The following PLS3 variants were observed in gnomAD, a reference collection of about 807,000 sequenced individuals.
PLS3 encodes plastin 3.
In PLS3, 11 loss-of-function variants were observed where a neutral mutation model predicts 46.5. The ratio of observed to expected loss-of-function variants is 0.24; its 90% CI spans 0.15 to 0.39. The LOEUF (loss-of-function observed/expected upper bound fraction) is 0.39. Among genes scored for constraint, PLS3 ranks in the 10% least tolerant of loss-of-function variants. PLS3 has a pLI of 1.00. For synonymous variants in PLS3, 167 were observed against 162.2 expected, an observed-to-expected ratio of 1.03 and a Z score of -0.22; for missense variants, 308 against 461.8, an observed-to-expected ratio of 0.67 and a Z score of 3.05.
intron 7 of PLS3, 150 bp downstream of exon 7, chrX:115,635,196 C>A: frequency 2.2e-6 from 1 of 459,638 alleles, no homozygotes; most frequent in Admixed American, 3.9e-5. Context: ...GGAAAATAGC[C>A]TAATTACATG....
chrX:115,638,878 A>G (rs2074866080), intron 8 of PLS3, among the ~76,000 whole-genome samples: 1 of 108,767 alleles, frequency 9.2e-6, no homozygotes, highest in Non-Finnish European at 1.9e-5. Context: ...ATGCCTGGCT[A>G]ATTTTTTTTG....
chrX:115,635,183 T>G, intron 7 of PLS3, 137 bp downstream of exon 7: 1 of 492,930 alleles, frequency 2.0e-6, no homozygotes, highest in Non-Finnish European at 3.3e-6. Context: ...ATAGAGTTAT[T>G]CAGGAAAATA....
chrX:115,610,546 A>G (rs782320556), intron 2 of PLS3, among the ~76,000 whole-genome samples: 1 of 104,901 alleles, frequency 9.5e-6, no homozygotes, highest in South Asian at 4.2e-4. Flanking sequence ...TGTAGTATTT[A>G]ATATGGTCAA....
intron 1 of PLS3, among the ~76,000 whole-genome samples, chrX:115,600,507 C>A (rs1357238730): frequency 8.9e-6 from 1 of 111,824 alleles, no homozygotes; most frequent in African/African-American, 3.3e-5. Context: ...AGACTGTTCT[C>A]CAGAAACAAA....
In PLS3 at chrX:115,628,074, A is replaced by G. The variant is rs1307535398; in HGVS notation, c.238-1124A>G. ...TACCCTCCTGGAAAGACAAAATACA[A>G]CAAGGCACTCCTTTCGGTCTGACAC... On this transcript the variant is annotated intron_variant, in intron 3 of 15. Transcript: ENST00000355899. Among the ~76,000 whole-genome samples, 4 of 112,076 alleles carry G rather than the reference A, an allele frequency of 3.6e-5. No individual in the cohort carries two copies. In the East Asian group the frequency reaches 1.1e-3, roughly 32 times the overall value.
At chrX:115,649,404 C>T in intron 15 of PLS3, 25 bp from the exon 16 acceptor site, 1 of 1,173,551 alleles carries the variant, frequency 8.5e-7, no homozygotes, top group Non-Finnish European at 1.1e-6. Flanking sequence ...GAATTTCATC[C>T]TGATTTTGTT....
intron 1 of PLS3, among the ~76,000 whole-genome samples, chrX:115,583,114 A>C (rs781967070): frequency 8.9e-6 from 1 of 112,566 alleles, no homozygotes; most frequent in Non-Finnish European, 1.9e-5. Flanking sequence ...ATCAGAGAAG[A>C]GTGGTGATTA....
intron 13 of PLS3, 88 bp from the exon 14 acceptor site, chrX:115,647,462 T>C: frequency 2.2e-6 from 2 of 901,448 alleles, no homozygotes; most frequent in Non-Finnish European, 3.1e-6. Flanking sequence ...TTAAGAAATA[T>C]AAAAAGTGGA....
chrX:115,587,595 C>A (rs781804289), intron 1 of PLS3, among the ~76,000 whole-genome samples: 1 of 110,962 alleles, frequency 9.0e-6, no homozygotes, highest in Non-Finnish European at 1.9e-5. Context: ...ATTAGCTGGG[C>A]GTGGTGGCGG....
Position 115,561,927 on chromosome X carries a change from CT to C in PLS3, c.-9+674del, listed in dbSNP as rs1254101690. ...CACCTAGTCTCCCTATGAGTAAGCA[CT>C]TTTTTTCCTTTCAGTAGGAGAACAT... On this transcript the variant is annotated intron_variant, in intron 1 of 15. Transcript: ENST00000355899. Among the ~76,000 whole-genome samples, 4 of 111,237 alleles carry C rather than the reference CT, an allele frequency of 3.6e-5. No individual in the cohort carries two copies. In the East Asian group the frequency reaches 1.2e-3, roughly 32 times the overall value.
At chrX:115,640,151 A>G (rs1556640803) in intron 8 of PLS3, 4 of 1,057,394 alleles carry the variant, frequency 3.8e-6, no homozygotes, top group East Asian at 3.3e-5. Flanking sequence ...AGAACTGGTT[A>G]TATGTTTATT....
chrX:115,610,816 G>A, intron 2 of PLS3: 2 of 1,030,345 alleles, frequency 1.9e-6, no homozygotes, highest in Non-Finnish European at 2.5e-6. Flanking sequence ...GTTCTACCTC[G>A]CCACGTTAAA....
rs138150618 is a variant in PLS3 at position 115,577,143 on chromosome X, T to C, written c.-9+15883T>C. Reference sequence around the variant, plus strand: ...TGCCTCTTCCCTGAATCAGTTTGTATCTACACTTAATTTCTTTCAGAGATT... The same window carrying C: ...TGCCTCTTCCCTGAATCAGTTTGTACCTACACTTAATTTCTTTCAGAGATT... On this transcript the variant is annotated intron_variant, in intron 1 of 15. Coordinates refer to ENST00000355899, the MANE Select transcript of PLS3 (RefSeq NM_005032.7). Among the ~76,000 whole-genome samples, 240 of 112,193 alleles carry C rather than the reference T, an allele frequency of 2.1e-3. 4 individuals carry two copies. Among genetic ancestry groups the C allele is most frequent in the African/African-American group, 6.0e-3 (184 of 30,919 alleles).
chrX:115,646,660 C>G, intron 13 of PLS3, 125 bp downstream of exon 13: 2 of 571,612 alleles, frequency 3.5e-6, no homozygotes, highest in Admixed American at 8.0e-5. Context: ...ATTTACACTC[C>G]GAAATGAGTT....
chrX:115,626,442 G>A (rs911565892), intron 3 of PLS3, among the ~76,000 whole-genome samples: 1 of 109,413 alleles, frequency 9.1e-6, no homozygotes, highest in African/African-American at 3.3e-5. Flanking sequence ...GCGCCACCAC[G>A]ACCGGCTAAT....
chrX:115,567,265 A>G (rs1433835595), intron 1 of PLS3, among the ~76,000 whole-genome samples: 1 of 111,489 alleles, frequency 9.0e-6, no homozygotes, highest in African/African-American at 3.3e-5. Flanking sequence ...TGCATAGTGG[A>G]AGAGATAATC....
intron 1 of PLS3, among the ~76,000 whole-genome samples, chrX:115,596,180 A>G (rs1310540965): frequency 8.9e-6 from 1 of 112,092 alleles, no homozygotes; most frequent in Non-Finnish European, 1.9e-5. Context: ...GGCCAATTGT[A>G]TGTGAAGAAT....
intron 7 of PLS3, 29 bp downstream of exon 7, chrX:115,635,075 G>A (rs1556639986): frequency 8.7e-7 from 1 of 1,155,602 alleles, no homozygotes; most frequent in Non-Finnish European, 1.2e-6. Flanking sequence ...TCTGGCAGTT[G>A]TTTATTGGTT....
At chrX:115,575,163 T>G (rs1468724521) in intron 1 of PLS3, among the ~76,000 whole-genome samples, 2 of 112,064 alleles carry the variant, frequency 1.8e-5, no homozygotes, top group Non-Finnish European at 3.8e-5. Context: ...TCACACACCT[T>G]GTAGCAAGTA....
Sources: allele counts gnomAD v4.1 joint callset (sites outside exome capture counted in the v4.1 genomes callset), GRCh38; gene constraint gnomAD v4.1.1; transcripts MANE v1.5; gene names NCBI Gene and HGNC (gene_info 2026-07-23, HGNC 2026-07-21).